Variants in SNRPA observed in about 807,000 individuals in gnomAD.
SNRPA encodes the protein small nuclear ribonucleoprotein polypeptide A.
In SNRPA, 10 loss-of-function variants were observed where a neutral mutation model predicts 24.5. The observed-to-expected ratio is 0.41, with a 90% CI of 0.25 to 0.69. The LOEUF (loss-of-function observed/expected upper bound fraction) is 0.69. Ranked by LOEUF, SNRPA falls within the 30% of genes least tolerant of loss-of-function variation. SNRPA has a pLI of 0.33. For synonymous variants in SNRPA, 165 were observed against 148.4 expected, an observed-to-expected ratio of 1.11 and a Z score of -0.81; for missense variants, 283 against 394.7, an observed-to-expected ratio of 0.72 and a Z score of 2.40.
chr19:40,765,349 G>A lies in SNRPA; in HGVS notation c.*182G>A. ...CAGACATTGCACCTGGCGCTGTTAG[G>A]CCGGAATTAAAGTGGCTTTTTGAGG... On this transcript the variant is annotated 3_prime_UTR_variant, in exon 6 of 6. Transcript: ENST00000243563. 1 of 386,178 alleles carries A rather than the reference G, an allele frequency of 2.6e-6. No homozygotes were observed. Among genetic ancestry groups the A allele is most frequent in the Non-Finnish European group, 4.6e-6 (1 of 217,532 alleles). 23.9% of individuals were successfully genotyped at this position (386,178 alleles called of 1,614,324 possible).
Position 40,759,550 on chromosome 19 carries a change from G to T in SNRPA, c.366G>T (p.Lys122Asn), listed in dbSNP as rs934938827. 1.2e-6 allele frequency: 2 copies of T among 1,613,958 alleles called. No homozygotes were observed. Among genetic ancestry groups the T allele is most frequent in the Admixed American group, 3.3e-5 (2 of 59,974 alleles). The change falls in exon 3 of 6, where the codon AAG becomes AAT. Residue 122 changes from lysine to asparagine, a missense_variant. By Grantham distance (94) the Lys-to-Asn change is moderately conservative. Around this residue, in one of 6 missense-constraint regions of SNRPA, gnomAD observed 167 missense variants for 174.3 expected, o/e 0.96. Transcript: ENST00000243563. ...AGAGCCAGGAGACCCCGGCCACCAA[G>T]AAGGCTGTGCAAGGCGGGGGAGCCA... The part of the protein sequence containing the change: ...KPKSQETPAT[K>N]KAVQGGGATP...
Position 40,759,412 on chromosome 19 carries a change from T to C in SNRPA, c.247-19T>C, listed in dbSNP as rs1033136107. On this transcript the variant is annotated intron_variant, in intron 2 of 5. Transcript: ENST00000243563. ...CTCTGAATCCACGCTCTTAACCCGTTCTGCTCTCTGTTTGGTAGCGTATCC... is the reference window on the plus strand; with the variant it reads ...CTCTGAATCCACGCTCTTAACCCGTCCTGCTCTCTGTTTGGTAGCGTATCC... 1.9e-6 allele frequency: 3 copies of C among 1,603,244 alleles called. No individual in the cohort carries two copies. The African/African-American group carries it at 4.1e-5, about 22-fold the overall frequency.
intron 3 of SNRPA, among the ~76,000 whole-genome samples, chr19:40,761,614 G>A (rs1248145557): frequency 2.0e-5 from 3 of 151,560 alleles, no homozygotes; most frequent in Admixed American, 2.0e-4. Context: ...CTACAGGCAT[G>A]TGCCACCACA....
At chr19:40,753,545 C>G (rs1164791272) in intron 1 of SNRPA, among the ~76,000 whole-genome samples, 1 of 149,742 alleles carries the variant, frequency 6.7e-6, no homozygotes, top group Non-Finnish European at 1.5e-5. Context: ...TACAGGCACC[C>G]GCCACCACGC....
intron 2 of SNRPA, among the ~76,000 whole-genome samples, chr19:40,758,423 A>T (rs1222869992): frequency 2.6e-5 from 4 of 152,184 alleles, no homozygotes; most frequent in Admixed American, 6.5e-5. Context: ...AACCTGGAAG[A>T]CTGAAGTATT....
At chr19:40,752,256 G>C (rs1466941697) in intron 1 of SNRPA, among the ~76,000 whole-genome samples, 1 of 150,560 alleles carries the variant, frequency 6.6e-6, no homozygotes. Flanking sequence ...AGAATTGCTT[G>C]AACCCAGGAG....
chr19:40,762,228 G>GT, intron 3 of SNRPA, among the ~76,000 whole-genome samples: 1 of 151,556 alleles, frequency 6.6e-6, no homozygotes, highest in East Asian at 1.9e-4. Flanking sequence ...TTTTGTTTTT[G>GT]TTTTTTGAGA....
At chr19:40,757,056 G>A (rs757582820) in intron 1 of SNRPA, 39 of 393,496 alleles carry the variant, frequency 9.9e-5, no homozygotes, top group Non-Finnish European at 1.7e-4. Flanking sequence ...CTCATTTATC[G>A]AGTGTTTACT....
At chr19:40,762,205 T>C (rs1461875778) in intron 3 of SNRPA, among the ~76,000 whole-genome samples, 1 of 151,984 alleles carries the variant, frequency 6.6e-6, no homozygotes, top group Non-Finnish European at 1.5e-5. Context: ...TTTCCATCAC[T>C]GCCCTCCTTT....
At chr19:40,763,103 T>TCATATA in intron 4 of SNRPA, 29 bp downstream of exon 4, 1 of 1,509,278 alleles carries the variant, frequency 6.6e-7, no homozygotes, top group African/African-American at 1.4e-5. Flanking sequence ...CCACCAGGTC[T>TCATATA]CATATAAATA....
intron 5 of SNRPA, among the ~76,000 whole-genome samples, chr19:40,764,491 A>G (rs1691019657): frequency 1.3e-5 from 2 of 152,184 alleles, no homozygotes; most frequent in Admixed American, 1.3e-4. Context: ...AGAAAGAAGT[A>G]TGGAATGAGA....
intron 2 of SNRPA, 82 bp from the exon 3 acceptor site, chr19:40,759,349 C>G (rs1440356381): frequency 2.9e-6 from 4 of 1,365,902 alleles, no homozygotes; most frequent in Non-Finnish European, 3.0e-6. Flanking sequence ...AGCACCTGGC[C>G]CCTGATAAAG....
chr19:40,756,757 A>G (rs1178216713), intron 1 of SNRPA, among the ~76,000 whole-genome samples: 1 of 152,174 alleles, frequency 6.6e-6, no homozygotes, highest in Non-Finnish European at 1.5e-5. Flanking sequence ...TAGAGTAAGA[A>G]TGACATGGGA....
In SNRPA at chr19:40,761,309, A is replaced by T. The variant is rs550200192; in HGVS notation, c.427-1592A>T. Among the ~76,000 whole-genome samples, 14 of 152,102 alleles carry T rather than the reference A, an allele frequency of 9.2e-5. No homozygotes were observed. In the East Asian group the frequency reaches 2.7e-3, roughly 29 times the overall value. On this transcript the variant is annotated intron_variant, in intron 3 of 5. Transcript: ENST00000243563. Reference sequence around the variant, plus strand: ...GAAAGGACTTTTTTTCCCCTAGTTCATGATGCGGGGCAGTTGGGTATCTGC... The same window carrying T: ...GAAAGGACTTTTTTTCCCCTAGTTCTTGATGCGGGGCAGTTGGGTATCTGC...
Position 40,751,383 on chromosome 19 carries a change from T to G in SNRPA, c.-26T>G. ...GGCTAAAGTCACGTTTTTCCTCCTT[T>G]AAGACTTACCTCAACACTTCACTCC... On this transcript the variant is annotated 5_prime_UTR_variant, in exon 1 of 6. Transcript: ENST00000243563. 2.5e-6 allele frequency: 4 copies of G among 1,588,314 alleles called. No individual in the cohort carries two copies. The highest frequency in any genetic ancestry group is 2.6e-6 in the Non-Finnish European group (3 of 1,156,544).
intron 3 of SNRPA, among the ~76,000 whole-genome samples, chr19:40,761,911 C>G (rs143548672): frequency 6.6e-6 from 1 of 152,170 alleles, no homozygotes; most frequent in Non-Finnish European, 1.5e-5. Flanking sequence ...CAGGCCCACT[C>G]CTTAGGTCTC....
rs754926843 is a variant in SNRPA at position 40,751,408 on chromosome 19, C to A, written c.-1C>A. 1 of 1,610,634 alleles carries A rather than the reference C, an allele frequency of 6.2e-7. No homozygotes were observed. Among genetic ancestry groups the A allele is most frequent in the Non-Finnish European group, 8.5e-7 (1 of 1,176,854 alleles). On this transcript the variant is annotated 5_prime_UTR_variant, in exon 1 of 6. Transcript: ENST00000243563. ...TAAGACTTACCTCAACACTTCACTC[C>A]ATGGCAGTTCCCGAGACCCGCCCTA...
Position 40,763,061 on chromosome 19 carries a change from C to T in SNRPA, c.587C>T (p.Pro196Leu). Residue 196 changes from proline (P) to leucine (L), a missense_variant, in exon 4 of 6, where the codon CCC becomes CTC. By Grantham distance (98) the Pro-to-Leu change is moderately conservative. Around this residue, in one of 6 missense-constraint regions of SNRPA, gnomAD observed 167 missense variants for 174.3 expected, o/e 0.96. Coordinates refer to ENST00000243563, the MANE Select transcript of SNRPA (RefSeq NM_004596.5). Reference sequence around the variant, plus strand: ...CAGCAGCTTATGCCAGGACAGATGCCCCCTGCCCAGCCTGTGAGTATCTAG... The same window carrying T: ...CAGCAGCTTATGCCAGGACAGATGCTCCCTGCCCAGCCTGTGAGTATCTAG... Reference protein sequence around the residue: ...PPQQLMPGQMPPAQPLSENPP... With the variant: ...PPQQLMPGQMLPAQPLSENPP... 6.3e-7 allele frequency: 1 copy of T among 1,574,930 alleles called. No homozygotes were observed. The highest frequency in any genetic ancestry group is 1.2e-5 in the South Asian group (1 of 85,596).
At chr19:40,761,715 C>T (rs975310079) in intron 3 of SNRPA, among the ~76,000 whole-genome samples, 3 of 151,976 alleles carry the variant, frequency 2.0e-5, no homozygotes, top group Non-Finnish European at 4.4e-5. Context: ...GATCCGCCCT[C>T]CTCACCCTCC....
Sources: allele counts gnomAD v4.1 joint callset (sites outside exome capture counted in the v4.1 genomes callset), GRCh38; gene constraint gnomAD v4.1.1; regional missense constraint gnomAD v4.1.1; transcripts MANE v1.5; gene names NCBI Gene and HGNC (gene_info 2026-07-23, HGNC 2026-07-21).